The following GLG1 variants were observed in gnomAD, a reference collection of about 807,000 sequenced individuals.
The protein encoded by GLG1 is Golgi apparatus protein 1.
In GLG1, 38 loss-of-function variants were observed where a neutral mutation model predicts 160.5. The observed-to-expected ratio is 0.24, with a 90% CI of 0.18 to 0.31. GLG1 has a LOEUF of 0.31. Ranked by LOEUF, GLG1 falls within the 10% of genes least tolerant of loss-of-function variation. The pLI, the probability that GLG1 is intolerant of heterozygous loss-of-function variation, is 1.00. For missense variants in GLG1, 1,373 were observed against 1,505.2 expected (o/e 0.91, Z 1.45); for synonymous variants, 644 against 543.4 (o/e 1.19, Z -2.57).
At chr16:74,567,211 C>CAGAG (rs199518297) in intron 1 of GLG1, among the ~76,000 whole-genome samples, 25,057 of 147,192 alleles carry the variant, frequency 0.17, 2,582 homozygotes, top group East Asian at 0.44. Flanking sequence ...GAGAGAGAGA[C>CAGAG]AGAGAGAGAG....
intron 1 of GLG1, among the ~76,000 whole-genome samples, chr16:74,562,490 C>A (rs976635874): frequency 1.3e-5 from 2 of 152,154 alleles, no homozygotes; most frequent in Non-Finnish European, 2.9e-5. Flanking sequence ...TAGATGGTCT[C>A]ACTCTGTTGC....
At chr16:74,558,036 G>C (rs183470217) in intron 1 of GLG1, among the ~76,000 whole-genome samples, 12 of 152,274 alleles carry the variant, frequency 7.9e-5, no homozygotes, top group Non-Finnish European at 1.5e-5. Flanking sequence ...GTAAAACCCT[G>C]AAACTGTAGG....
chr16:74,478,907 AAG>A lies in GLG1; in HGVS notation c.1827+1332_1827+1333del, dbSNP rs775358013. Among the ~76,000 whole-genome samples the A allele has an allele frequency of 1.3e-3, 149 of 112,392 alleles. 3 individuals are homozygous for A. The highest frequency in any genetic ancestry group is 1.5e-3 in the Admixed American group (15 of 9,794). The allele number at this position is 112,392 out of a possible 152,430, so 73.7% of individuals were successfully genotyped here. A position where few individuals can be genotyped will look rare whatever the true frequency, so the allele number is the denominator to read the frequency against. On this transcript the variant is annotated intron_variant, in intron 11 of 25. Coordinates refer to ENST00000422840, the MANE Select transcript of GLG1 (RefSeq NM_001145667.2). ...GAAACTCCGTCTCAAAAAAAAAAAAAAGGGGGGGGTTATTTTGGCCAGGCGCA... is the reference window on the plus strand; with the variant it reads ...GAAACTCCGTCTCAAAAAAAAAAAAAGGGGGGGTTATTTTGGCCAGGCGCA...
intron 4 of GLG1, among the ~76,000 whole-genome samples, chr16:74,497,909 G>C (rs2016257556): frequency 6.6e-6 from 1 of 152,122 alleles, no homozygotes; most frequent in African/African-American, 2.4e-5. Context: ...GATTTAACAA[G>C]ATTACCACTG....
chr16:74,595,290 C>A (rs1958272730), intron 1 of GLG1, among the ~76,000 whole-genome samples: 1 of 152,074 alleles, frequency 6.6e-6, no homozygotes, highest in South Asian at 2.1e-4. Flanking sequence ...GTAATCCCAG[C>A]ACTTTGGGAG....
In GLG1 at chr16:74,603,976, G is replaced by A. The variant is rs78700375; in HGVS notation, c.438+2681C>T. Among the ~76,000 whole-genome samples the A allele has an allele frequency of 9.5e-3, 1,423 of 149,976 alleles. 16 individuals carry two copies. The highest frequency in any genetic ancestry group is 0.03 in the African/African-American group (1,233 of 40,746). On this transcript the variant is annotated intron_variant, in intron 1 of 25. Transcript: ENST00000422840. Reference sequence around the variant, plus strand: ...GCCTTTTTAAAAGCATGACTCATCCGAGAGCGTTAAAAAAAAAAAAAAAGA... The same window carrying A: ...GCCTTTTTAAAAGCATGACTCATCCAAGAGCGTTAAAAAAAAAAAAAAAGA...
chr16:74,528,087 G>A (rs576789311), intron 2 of GLG1, among the ~76,000 whole-genome samples: 44 of 151,962 alleles, frequency 2.9e-4, no homozygotes, highest in South Asian at 8.4e-4. Context: ...GGGTTTCACC[G>A]TGTTAGCCAG....
At chr16:74,483,976 CT>C (rs201119961) in intron 9 of GLG1, among the ~76,000 whole-genome samples, 1 of 151,212 alleles carries the variant, frequency 6.6e-6, no homozygotes, top group Non-Finnish European at 1.5e-5. Flanking sequence ...TTTCAATTAT[CT>C]TTTTTTTTCA....
In GLG1 at chr16:74,531,406, C is replaced by T. The variant is rs530479394; in HGVS notation, c.471+715G>A. 6.2e-4 allele frequency among the ~76,000 whole-genome samples: 95 copies of T among 152,304 alleles called. 2 individuals carry two copies. Among genetic ancestry groups the T allele is most frequent in the Middle Eastern group, 3.4e-3 (1 of 294 alleles). On this transcript the variant is annotated intron_variant, in intron 2 of 25. Transcript: ENST00000422840. ...CCATCTCGGCTCAATGAAACCTCCG[C>T]CTCCTGGGTTCAAGCAATTCTCCTG...
At chr16:74,523,364 G>A (rs529209080) in intron 2 of GLG1, among the ~76,000 whole-genome samples, 20 of 152,104 alleles carry the variant, frequency 1.3e-4, no homozygotes, top group South Asian at 8.3e-4. Flanking sequence ...GCTGCTTTAC[G>A]GTAACTCTTC....
At chr16:74,586,192 G>A (rs1958049207) in intron 1 of GLG1, among the ~76,000 whole-genome samples, 1 of 152,096 alleles carries the variant, frequency 6.6e-6, no homozygotes, top group African/African-American at 2.4e-5. Flanking sequence ...CAAGGCCCTA[G>A]GAAACGAATG....
At chr16:74,534,949 G>A (rs1162543478) in intron 1 of GLG1, among the ~76,000 whole-genome samples, 6 of 152,130 alleles carry the variant, frequency 3.9e-5, no homozygotes, top group South Asian at 2.1e-4. Flanking sequence ...GGAGTTTTAG[G>A]AGATACAATA....
At chr16:74,567,978 C>T (rs1486012191) in intron 1 of GLG1, among the ~76,000 whole-genome samples, 1 of 152,234 alleles carries the variant, frequency 6.6e-6, no homozygotes, top group Admixed American at 6.5e-5. Context: ...TCATTCCTGA[C>T]ACAGATAGAG....
intron 19 of GLG1, 85 bp downstream of exon 19, chr16:74,465,582 TTGAGAAAGC>T: frequency 7.6e-7 from 1 of 1,317,828 alleles, no homozygotes; most frequent in South Asian, 1.3e-5. Context: ...GGACCACACT[TTGAGAAAGC>T]TGAGCCTGAG....
intron 11 of GLG1, among the ~76,000 whole-genome samples, chr16:74,478,155 T>C (rs1304249820): frequency 6.6e-6 from 1 of 152,102 alleles, no homozygotes; most frequent in African/African-American, 2.4e-5. Context: ...CAGACTAGGT[T>C]AGTTGGAAAG....
chr16:74,476,292 G>A (rs116837654), intron 12 of GLG1, among the ~76,000 whole-genome samples: 66 of 152,214 alleles, frequency 4.3e-4, no homozygotes, highest in African/African-American at 1.5e-3. Flanking sequence ...CTATTTTCTG[G>A]GATTCCAAAT....
At chr16:74,601,332 G>C (rs183201186) in intron 1 of GLG1, among the ~76,000 whole-genome samples, 1 of 151,878 alleles carries the variant, frequency 6.6e-6, no homozygotes, top group Non-Finnish European at 1.5e-5. Context: ...TGTAACCTCA[G>C]CATCCGGGAG....
chr16:74,488,307 C>G (rs1225126579), intron 8 of GLG1, among the ~76,000 whole-genome samples: 1 of 151,944 alleles, frequency 6.6e-6, no homozygotes, highest in African/African-American at 2.4e-5. Flanking sequence ...TTTGGGAGGC[C>G]AAAACGGGCA....
At chr16:74,525,372 C>T (rs2017302134) in intron 2 of GLG1, among the ~76,000 whole-genome samples, 1 of 152,134 alleles carries the variant, frequency 6.6e-6, no homozygotes, top group African/African-American at 2.4e-5. Context: ...ATACACATTT[C>T]CTTTTTTTGT....
Sources: gnomAD v4.1 joint callset for allele counts (sites outside exome capture counted in the v4.1 genomes callset) on GRCh38, gnomAD v4.1.1 for gene constraint, MANE v1.5 for transcripts, NCBI Gene and HGNC (gene_info 2026-07-23, HGNC 2026-07-21) for gene names.